The following C15orf40 variants were observed in gnomAD, a reference collection of about 807,000 sequenced individuals.
C15orf40 encodes chromosome 15 open reading frame 40.
C15orf40 carries 9 observed loss-of-function variants against 13.9 expected under a neutral mutation model. The ratio of observed to expected loss-of-function variants is 0.65; its 90% CI spans 0.39 to 1.13. The LOEUF (loss-of-function observed/expected upper bound fraction) is 1.13. C15orf40 is among the 50% of genes most tolerant of loss of function. The pLI, the probability that C15orf40 is intolerant of heterozygous loss-of-function variation, is 0.01. For synonymous variants in C15orf40, 95 were observed against 69.2 expected, an observed-to-expected ratio of 1.37 and a Z score of -1.85; for missense variants, 225 against 188.5, an observed-to-expected ratio of 1.19 and a Z score of -1.13.
In C15orf40 at chr15:83,011,493, T is replaced by G. The variant is rs2032009658; in HGVS notation, c.111+4A>C. 5.0e-6 allele frequency: 8 copies of G among 1,602,078 alleles called. No individual in the cohort carries two copies. In the Middle Eastern group the frequency reaches 8.3e-4, roughly 166 times the overall value. On this transcript the variant is annotated splice_donor_region_variant and intron_variant, in intron 1 of 3. Transcript: ENST00000304177. ...CCTCTGCCGCCACGGGACCTGCTAC[T>G]GGCCTTGGTCGTCGCACCAGCCTTC...
At chr15:83,007,369 G>A (rs552269142) in intron 3 of C15orf40, among the ~76,000 whole-genome samples, 2 of 152,306 alleles carry the variant, frequency 1.3e-5, no homozygotes, top group African/African-American at 2.4e-5. Context: ...GTTCAGGAAT[G>A]AATTCAGAAA....
rs1174279986 is a variant in C15orf40 at position 83,005,551 on chromosome 15, T to C, written c.*46A>G. 2 of 1,532,934 alleles carry C rather than the reference T, an allele frequency of 1.3e-6. No homozygotes were observed. The highest frequency in any genetic ancestry group is 1.8e-5 in the Admixed American group (1 of 55,326). The allele number at this position is 1,532,934 out of a possible 1,614,324, so 95.0% of individuals were successfully genotyped here. A position where few individuals can be genotyped will look rare whatever the true frequency, so the allele number is the denominator to read the frequency against. ...CGCCCACCACGGCCTCCCAAAGTGC[T>C]GGGATTACAGGCATGAGCCACTGCG... On this transcript the variant is annotated 3_prime_UTR_variant, in exon 4 of 4. Transcript: ENST00000304177.
intron 1 of C15orf40, chr15:83,010,913 G>A (rs1415072748): frequency 6.4e-6 from 1 of 155,608 alleles, no homozygotes; most frequent in Admixed American, 6.4e-5. Context: ...GAGGGAGAAA[G>A]AACATACAAA....
At chr15:82,990,650 A>C, downstream of C15orf40, 1 of 1,530,544 alleles carries the variant, frequency 6.5e-7, no homozygotes, top group Non-Finnish European at 8.9e-7. Context: ...GAAATCAGTA[A>C]TAAAGCTGTA....
At chr15:83,011,392 G>A (rs2032003379) in intron 1 of C15orf40, 105 bp downstream of exon 1, 1 of 1,280,516 alleles carries the variant, frequency 7.8e-7, no homozygotes, top group East Asian at 2.9e-5. Context: ...GAGACGGCAA[G>A]CCGCTGGCAG....
Position 83,008,259 on chromosome 15 carries a change from C to T in C15orf40, c.366+289G>A, listed in dbSNP as rs868474645. On this transcript the variant is annotated intron_variant, in intron 3 of 3. Coordinates refer to ENST00000304177, the MANE Select transcript of C15orf40 (RefSeq NM_144597.3). ...GACCTCCGGGCATGGTGGCTCATACCTCTAATCCCAGCGCTTCGGGAGGAG... is the reference window on the plus strand; with the variant it reads ...GACCTCCGGGCATGGTGGCTCATACTTCTAATCCCAGCGCTTCGGGAGGAG... The T allele has an allele frequency of 3.4e-4, 119 of 354,052 alleles. No homozygotes were observed. In the Middle Eastern group the frequency reaches 9.3e-3, roughly 28 times the overall value. 21.9% of individuals were successfully genotyped at this position (354,052 alleles called of 1,614,324 possible).
At position 82,999,828 on chromosome 15, in the gene C15orf40, T is replaced by C. The variant is rs936735377; in HGVS notation, c.*5769A>G. The C allele has an allele frequency of 1.3e-5, 2 of 152,174 alleles. No individual in the cohort carries two copies. Among genetic ancestry groups the C allele is most frequent in the East Asian group, 3.8e-4 (2 of 5,202 alleles). 9.4% of individuals were successfully genotyped at this position (152,174 alleles called of 1,614,324 possible). A position where few individuals can be genotyped will look rare whatever the true frequency, so the allele number is the denominator to read the frequency against. ...GATTCTTCCCTCCCCAAACTCTATC[T>C]AGGGGACCGATGGACCCTGAGGCAG... On this transcript the variant is annotated 3_prime_UTR_variant, in exon 4 of 4. Transcript: ENST00000304177.
At chr15:83,011,452 A>G (rs2032007384) in intron 1 of C15orf40, 45 bp downstream of exon 1, 1 of 1,545,840 alleles carries the variant, frequency 6.5e-7, no homozygotes, top group Non-Finnish European at 8.7e-7. Context: ...TTCAACAAGT[A>G]CCCCTGAGGC....
chr15:83,010,957 A>T (rs1241535186), intron 1 of C15orf40: 1 of 155,400 alleles, frequency 6.4e-6, no homozygotes, highest in Non-Finnish European at 1.4e-5. Flanking sequence ...CACCGATGAG[A>T]TAGGCACAGA....
At chr15:82,989,236 A>G, downstream of C15orf40, 3 of 1,590,666 alleles carry the variant, frequency 1.9e-6, no homozygotes, top group Non-Finnish European at 2.6e-6. Flanking sequence ...GGCAGAGGAT[A>G]GCTTTAATCT....
At chr15:82,990,601 T>G, downstream of C15orf40, 1 of 1,413,764 alleles carries the variant, frequency 7.1e-7, no homozygotes, top group Non-Finnish European at 9.8e-7. Context: ...CCTTAATCTA[T>G]AGATGAGTCA....
In C15orf40 at chr15:83,002,362, T is replaced by C. The variant is rs1277567637; in HGVS notation, c.*3235A>G. 1 of 152,248 alleles carries C rather than the reference T, an allele frequency of 6.6e-6. No individual in the cohort carries two copies. Among genetic ancestry groups the C allele is most frequent in the Non-Finnish European group, 1.5e-5 (1 of 68,048 alleles). The allele number at this position is 152,248 out of a possible 1,614,324, so 9.4% of individuals were successfully genotyped here. A position where few individuals can be genotyped will look rare whatever the true frequency, so the allele number is the denominator to read the frequency against. On this transcript the variant is annotated 3_prime_UTR_variant, in exon 4 of 4. Transcript: ENST00000304177. ...GTAAATAGGTTATCGTAGTAGAAAC[T>C]GGTGGTTCCTCTCCAGCATCCATTC...
At chr15:83,006,565 G>T (rs1391203237) in intron 3 of C15orf40, 20 of 687,524 alleles carry the variant, frequency 2.9e-5, no homozygotes, top group Non-Finnish European at 3.6e-5. Flanking sequence ...TTCGAGACCA[G>T]CCTGGCCAAT....
In C15orf40 at chr15:82,995,830, C is replaced by G. The variant is rs1188895794; in HGVS notation, c.*9767G>C. The G allele has an allele frequency of 6.6e-6, 1 of 152,298 alleles. No homozygotes were observed. Among genetic ancestry groups the G allele is most frequent in the East Asian group, 1.9e-4 (1 of 5,192 alleles). The allele number at this position is 152,298 out of a possible 1,614,324, so 9.4% of individuals were successfully genotyped here. On this transcript the variant is annotated 3_prime_UTR_variant, in exon 4 of 4. Transcript: ENST00000304177. Reference sequence around the variant, plus strand: ...AACAGCTAATATGTGATTCGACTGCCCCATTGCAGGATTAAGAGAGAGCAT... The same window carrying G: ...AACAGCTAATATGTGATTCGACTGCGCCATTGCAGGATTAAGAGAGAGCAT...
chr15:83,009,521 G>A (rs1382466563), intron 2 of C15orf40, among the ~76,000 whole-genome samples: 1 of 152,196 alleles, frequency 6.6e-6, no homozygotes, highest in Non-Finnish European at 1.5e-5. Flanking sequence ...GAAATACAGA[G>A]CTTTAGAGGT....
chr15:83,008,444 A>T (rs1189346184), intron 3 of C15orf40, 104 bp downstream of exon 3: 2 of 1,180,882 alleles, frequency 1.7e-6, no homozygotes, highest in South Asian at 2.5e-5. Flanking sequence ...GCTTGAACCC[A>T]GGAGGTGGAG....
chr15:82,989,203 G>C, downstream of C15orf40: 2 of 1,609,484 alleles, frequency 1.2e-6, no homozygotes, highest in South Asian at 2.2e-5. Context: ...GTATTCAAAA[G>C]AATAAATGCA....
chr15:82,991,555 C>A (rs913976666), downstream of C15orf40, among the ~76,000 whole-genome samples: 1 of 151,740 alleles, frequency 6.6e-6, no homozygotes, highest in Non-Finnish European at 1.5e-5. Flanking sequence ...ATAAAAAAAA[C>A]GGGGGCATCT....
At chr15:83,008,515 T>C (rs2031819769) in intron 3 of C15orf40, 33 bp downstream of exon 3, 1 of 1,591,748 alleles carries the variant, frequency 6.3e-7, no homozygotes, top group African/African-American at 1.4e-5. Flanking sequence ...CAAGATTTTG[T>C]CTCAAAAAAA....
Sources: gnomAD v4.1 joint callset for allele counts (sites outside exome capture counted in the v4.1 genomes callset) on GRCh38, gnomAD v4.1.1 for gene constraint, MANE v1.5 for transcripts, NCBI Gene and HGNC (gene_info 2026-07-23, HGNC 2026-07-21) for gene names.